RAI1: variants seen among roughly 807,000 people sequenced by gnomAD.
RAI1 encodes the protein retinoic acid induced 1.
In RAI1, 9 loss-of-function variants were observed where a neutral mutation model predicts 123.8. The observed-to-expected ratio is 0.07, with a 90% CI of 0.04 to 0.13. The LOEUF is 0.13. Ranked by LOEUF, RAI1 falls within the 10% of genes least tolerant of loss-of-function variation. The pLI, the probability that RAI1 is intolerant of heterozygous loss-of-function variation, is 1.00. For missense variants in RAI1, 2,256 were observed against 2,545.8 expected (o/e 0.89, Z 2.45); for synonymous variants, 1,231 against 1,127.3 (o/e 1.09, Z -1.84).
intron 1 of RAI1, among the ~76,000 whole-genome samples, chr17:17,682,770 G>A (rs1914482130): frequency 6.6e-6 from 1 of 152,162 alleles, no homozygotes; most frequent in South Asian, 2.1e-4. Flanking sequence ...CTTTCTTGGG[G>A]CTCTTGGTCG....
chr17:17,756,486 G>A (rs935423714), intron 2 of RAI1, among the ~76,000 whole-genome samples: 4 of 152,156 alleles, frequency 2.6e-5, no homozygotes, highest in African/African-American at 9.7e-5. Flanking sequence ...TGTGAGCACT[G>A]CACCTGGCAT....
chr17:17,718,418 C>G (rs1029743139), intron 1 of RAI1, among the ~76,000 whole-genome samples: 3 of 152,222 alleles, frequency 2.0e-5, no homozygotes, highest in Non-Finnish European at 4.4e-5. Flanking sequence ...GTTTTGCTCT[C>G]AGTTTCACAT....
chr17:17,688,484 C>CGAT (rs1168996790), intron 1 of RAI1, among the ~76,000 whole-genome samples: 1 of 97,608 alleles, frequency 1.0e-5, no homozygotes, highest in Non-Finnish European at 2.2e-5. Context: ...GATTCAGTCT[C>CGAT]AATGATAAAT....
At chr17:17,753,754 T>C (rs2030313088) in intron 2 of RAI1, among the ~76,000 whole-genome samples, 1 of 152,180 alleles carries the variant, frequency 6.6e-6, no homozygotes, top group African/African-American at 2.4e-5. Flanking sequence ...ATTTGAGAAA[T>C]GGAATGACAG....
At chr17:17,735,622 G>T (rs1916409933) in intron 2 of RAI1, among the ~76,000 whole-genome samples, 1 of 152,152 alleles carries the variant, frequency 6.6e-6, no homozygotes, top group African/African-American at 2.4e-5. Flanking sequence ...CTCCCAAAGT[G>T]CTGGGAATAC....
At chr17:17,768,809 C>T (rs973618059) in intron 2 of RAI1, among the ~76,000 whole-genome samples, 61 of 152,224 alleles carry the variant, frequency 4.0e-4, no homozygotes, top group Non-Finnish European at 1.2e-4. Context: ...GCGGCTGCGG[C>T]TGGTGTTAGC....
Position 17,797,686 on chromosome 17 carries a change from A to G in RAI1, c.4738A>G (p.Ile1580Val). ...AGAGCCTGAAATCCGCCTCAAGTAC[A>G]TTTCCTCTTGCAAGCGGCTGAGGTC... ...PAEPEIRLKYISSCKRLRSDS... is the reference protein window; with the variant it reads ...PAEPEIRLKYVSSCKRLRSDS... Residue 1580 changes from isoleucine to valine, a missense_variant, in exon 3 of 6, where the codon ATT (isoleucine) becomes GTT (valine). By Grantham distance (29) the Ile-to-Val change is conservative (BLOSUM62 3). Coordinates refer to ENST00000353383, the MANE Select transcript of RAI1 (RefSeq NM_030665.4). 2 of 1,613,492 alleles carry G rather than the reference A, an allele frequency of 1.2e-6. No individual in the cohort carries two copies. Among genetic ancestry groups the G allele is most frequent in the Non-Finnish European group, 1.7e-6 (2 of 1,179,728 alleles).
rs1373454098 is a variant in RAI1, at chr17:17,795,540, C to T, written c.2592C>T (p.Asp864=). ...TGCCACCCACCAGCAGGAAGGAGGA[C>T]CTGGAAGCTGAGGAGGAGTACTCCT... The part of the protein sequence containing the change: ...PLLPPTSRKE[D]LEAEEEYSSL... Residue 864 remains aspartate (D), a synonymous_variant, in exon 3 of 6, where the codon GAC becomes GAT. Transcript: ENST00000353383. The surrounding 1 kb of genome is among the most constrained non-coding windows in gnomAD (Gnocchi z 5.9). The T allele has an allele frequency of 2.5e-6, 4 of 1,604,004 alleles. No homozygotes were observed. The highest frequency in any genetic ancestry group is 3.4e-6 in the Non-Finnish European group (4 of 1,175,490).
chr17:17,789,652 G>A (rs988073490), intron 2 of RAI1, among the ~76,000 whole-genome samples: 1 of 152,152 alleles, frequency 6.6e-6, no homozygotes, highest in Non-Finnish European at 1.5e-5. Flanking sequence ...TCTGTCCAGC[G>A]CTGAGAAGAC....
chr17:17,735,498 C>T (rs1026352559), intron 2 of RAI1, among the ~76,000 whole-genome samples: 27 of 151,608 alleles, frequency 1.8e-4, no homozygotes, highest in Non-Finnish European at 3.1e-4. Context: ...GGACTACAGG[C>T]GTGCGCCACC....
Position 17,797,659 on chromosome 17 carries a change from G to A in RAI1, c.4711G>A (p.Ala1571Thr), listed in dbSNP as rs779651867. 6.0e-5 allele frequency: 97 copies of A among 1,613,730 alleles called. No individual in the cohort carries two copies. The highest frequency in any genetic ancestry group is 1.3e-4 in the African/African-American group (10 of 74,950). Residue 1571 changes from alanine (A) to threonine (T), a missense_variant, in exon 3 of 6, where the codon GCA becomes ACA. Physicochemically the swap from Ala to Thr is moderately conservative, Grantham distance 58. Around this residue, in one of 7 missense-constraint regions of RAI1, gnomAD observed 410 missense variants for 374.6 expected, o/e 1.09. Coordinates refer to ENST00000353383, the MANE Select transcript of RAI1 (RefSeq NM_030665.4). ...GCAGCAGGTGCTGCCCCTGGATCCCGCAGAGCCTGAAATCCGCCTCAAGTA... is the reference window on the plus strand; with the variant it reads ...GCAGCAGGTGCTGCCCCTGGATCCCACAGAGCCTGAAATCCGCCTCAAGTA... ...RQQQVLPLDP[A>T]EPEIRLKYIS...
In RAI1 at chr17:17,685,587, TGGC is replaced by T. The variant is rs1287897864; in HGVS notation, c.-149+3797_-149+3799del. ...GGAGGACTTGGCTCAGAAAGAATGGTGGCGGAAGAGGTTGGGCTGTTGCTGGGA... is the reference window on the plus strand; with the variant it reads ...GGAGGACTTGGCTCAGAAAGAATGGTGGAAGAGGTTGGGCTGTTGCTGGGA... On this transcript the variant is annotated intron_variant, in intron 1 of 5. Coordinates refer to ENST00000353383, the MANE Select transcript of RAI1 (RefSeq NM_030665.4). The surrounding 1 kb of genome is among the most constrained non-coding windows in gnomAD (Gnocchi z 4.0). Among the ~76,000 whole-genome samples, 4 of 152,320 alleles carry T rather than the reference TGGC, an allele frequency of 2.6e-5. No homozygotes were observed. In the South Asian group the frequency reaches 8.3e-4, roughly 32 times the overall value.
intron 2 of RAI1, among the ~76,000 whole-genome samples, chr17:17,730,991 A>T (rs752015787): frequency 6.6e-6 from 1 of 152,206 alleles, no homozygotes; most frequent in Admixed American, 6.5e-5. Context: ...TCTAGGAAGC[A>T]GGGCAGGCGA....
chr17:17,781,801 G>A (rs1035708347), intron 2 of RAI1, among the ~76,000 whole-genome samples: 34 of 152,360 alleles, frequency 2.2e-4, no homozygotes, highest in Admixed American at 2.1e-3. Context: ...CTTAGGGAGG[G>A]AACTGGAAAT....
At chr17:17,755,995 A>C (rs1236532662) in intron 2 of RAI1, among the ~76,000 whole-genome samples, 2 of 152,184 alleles carry the variant, frequency 1.3e-5, no homozygotes, top group African/African-American at 4.8e-5. Context: ...CGGTGCACCC[A>C]GTCCTTACGT....
At chr17:17,808,006 C>T (rs2032628278) in intron 4 of RAI1, among the ~76,000 whole-genome samples, 1 of 152,216 alleles carries the variant, frequency 6.6e-6, no homozygotes. Context: ...TGCCTTCTGG[C>T]CACCACCCTG....
intron 2 of RAI1, among the ~76,000 whole-genome samples, chr17:17,731,448 G>A (rs1451927792): frequency 1.3e-5 from 2 of 152,184 alleles, no homozygotes; most frequent in Non-Finnish European, 2.9e-5. Context: ...TGGGATTGGG[G>A]AGGTGGAGGC....
At chr17:17,776,592 G>A (rs2031350652) in intron 2 of RAI1, 1 of 149,776 alleles carries the variant, frequency 6.7e-6, no homozygotes, top group African/African-American at 2.5e-5. Context: ...CTGGCCTCAA[G>A]TGATCATCCC....
intron 2 of RAI1, among the ~76,000 whole-genome samples, chr17:17,727,847 A>AC (rs1244209839): frequency 2.0e-5 from 3 of 151,672 alleles, no homozygotes; most frequent in South Asian, 4.2e-4. Flanking sequence ...ACCCCAGGAG[A>AC]CCCCCCGGGG....
Sources: gnomAD v4.1 joint callset for allele counts (sites outside exome capture counted in the v4.1 genomes callset) on GRCh38, gnomAD v4.1.1 for gene constraint, gnomAD v4.1.1 regional missense constraint, Gnocchi (gnomAD v3.1) non-coding constraint, MANE v1.5 for transcripts, NCBI Gene and HGNC (gene_info 2026-07-23, HGNC 2026-07-21) for gene names.